EXT2: variants seen among roughly 807,000 people sequenced by gnomAD.
The protein encoded by EXT2 is exostosin-2.
A neutral mutation model predicts 81.6 loss-of-function variants in EXT2; 53 were observed. The ratio of observed to expected loss-of-function variants is 0.65; its 90% CI spans 0.52 to 0.82. The LOEUF (loss-of-function observed/expected upper bound fraction) is 0.82, where lower values mean the gene tolerates loss of function less well. Among genes scored for constraint, EXT2 ranks in the 40% least tolerant of loss-of-function variants. The probability of loss-of-function intolerance (pLI) is 0.00; values close to 1 mark genes in which losing one functional copy is unlikely to be tolerated. For synonymous variants in EXT2, 320 were observed against 340.0 expected (o/e 0.94, Z 0.65); for missense variants, 774 against 910.2 (o/e 0.85, Z 1.93).
chr11:44,222,466 C>A (rs1367097199), intron 10 of EXT2, among the ~76,000 whole-genome samples: 3 of 152,116 alleles, frequency 2.0e-5, no homozygotes, highest in Non-Finnish European at 4.4e-5. Flanking sequence ...TACTTCCTGT[C>A]AGTAGAATTG....
intron 7 of EXT2, among the ~76,000 whole-genome samples, chr11:44,168,950 G>A (rs1247483138): frequency 2.6e-5 from 4 of 152,106 alleles, no homozygotes; most frequent in South Asian, 4.2e-4. Flanking sequence ...CCCCAGACGC[G>A]GTGGCTCTTG....
At chr11:44,206,736 T>C in intron 9 of EXT2, 57 bp from the exon 10 acceptor site, 1 of 1,585,064 alleles carries the variant, frequency 6.3e-7, no homozygotes, top group Non-Finnish European at 8.7e-7. Flanking sequence ...ATGCTTTTAC[T>C]ACTTTATCTC....
At chr11:44,181,481 G>A (rs187763210) in intron 8 of EXT2, among the ~76,000 whole-genome samples, 2 of 152,142 alleles carry the variant, frequency 1.3e-5, no homozygotes, top group East Asian at 3.9e-4. Context: ...TTCTTTATGG[G>A]ACGTCTGTTA....
chr11:44,193,302 A>T (rs964390625), intron 8 of EXT2, among the ~76,000 whole-genome samples: 3 of 152,218 alleles, frequency 2.0e-5, no homozygotes, highest in Non-Finnish European at 4.4e-5. Flanking sequence ...GCTACCTCCT[A>T]TCCACTTTTG....
In EXT2 at chr11:44,245,856, G is replaced by A. The variant is rs764248518; in HGVS notation, c.*1569G>A. Among the ~76,000 whole-genome samples, 35 of 152,224 alleles carry A rather than the reference G, an allele frequency of 2.3e-4. No individual in the cohort carries two copies. Among genetic ancestry groups the A allele is most frequent in the Non-Finnish European group, 1.2e-4 (8 of 68,040 alleles). ...AGTGATCGAATCATGGACTATTATTGCCAAAGGGGGCAAGCGATCATCTCA... is the reference window on the plus strand; with the variant it reads ...AGTGATCGAATCATGGACTATTATTACCAAAGGGGGCAAGCGATCATCTCA... On this transcript the variant is annotated 3_prime_UTR_variant, in exon 14 of 14. Coordinates refer to ENST00000533608, the MANE Select transcript of EXT2 (RefSeq NM_207122.2).
At chr11:44,203,480 C>A (rs1370725905) in intron 9 of EXT2, among the ~76,000 whole-genome samples, 1 of 152,194 alleles carries the variant, frequency 6.6e-6, no homozygotes, top group Non-Finnish European at 1.5e-5. Context: ...CAACAGAAAT[C>A]TGCCCCAGGA....
chr11:44,155,851 TTTC>T lies in EXT2; in HGVS notation c.1174-15757_1174-15755del, dbSNP rs1954849496. On this transcript the variant is annotated intron_variant, in intron 7 of 13. Transcript: ENST00000533608. The stretch of plus-strand genomic sequence containing the variant: ...CGGTGGGTTTTGTACCTTCAGACGA[TTTC>T]TTATTGCTTGTTAACATCCTTTTCT... 2.0e-5 allele frequency among the ~76,000 whole-genome samples: 3 copies of T among 152,204 alleles called. No individual in the cohort carries two copies. In the South Asian group the frequency reaches 6.2e-4, roughly 32 times the overall value.
At chr11:44,119,406 T>A (rs1294644928) in intron 4 of EXT2, among the ~76,000 whole-genome samples, 2 of 151,988 alleles carry the variant, frequency 1.3e-5, no homozygotes, top group East Asian at 3.9e-4. Context: ...TCAAGTGCCC[T>A]CTTCCAGTGC....
At position 44,109,268 on chromosome 11, in the gene EXT2, A is replaced by C. The variant is rs760582583; in HGVS notation, c.611A>C (p.Asp204Ala). The change falls in exon 3 of 14, where the codon GAT (aspartate) becomes GCT (alanine). Residue 204 changes from aspartate to alanine, a missense_variant. By Grantham distance (126) the Asp-to-Ala change is moderately radical. This residue lies in a region of EXT2 where 626 missense variants were observed against 670.5 expected (regional missense o/e 0.93). Transcript: ENST00000533608. ...GGPPDYNTALDVPRDRALLAG... is the reference protein window; with the variant it reads ...GGPPDYNTALAVPRDRALLAG... Reference sequence around the variant, plus strand: ...CCCCCAGATTATAACACAGCCCTGGATGTCCCCAGAGACAGGTAGGAGGCA... The same window carrying C: ...CCCCCAGATTATAACACAGCCCTGGCTGTCCCCAGAGACAGGTAGGAGGCA... 4 of 1,614,096 alleles carry C rather than the reference A, an allele frequency of 2.5e-6. No individual in the cohort carries two copies. In the South Asian group the frequency reaches 3.3e-5, roughly 13 times the overall value.
intron 13 of EXT2, among the ~76,000 whole-genome samples, chr11:44,240,569 G>T (rs1331085834): frequency 6.6e-6 from 1 of 152,218 alleles, no homozygotes; most frequent in East Asian, 1.9e-4. Flanking sequence ...ATCCCTATCT[G>T]TAAAAAAATA....
chr11:44,197,725 G>C, intron 8 of EXT2, 104 bp from the exon 9 acceptor site: 1 of 1,188,942 alleles, frequency 8.4e-7, no homozygotes, highest in Non-Finnish European at 1.2e-6. Flanking sequence ...GATCTGTCCT[G>C]GTAAAAGCCA....
intron 4 of EXT2, among the ~76,000 whole-genome samples, chr11:44,123,801 A>G (rs1954353341): frequency 6.6e-6 from 1 of 152,164 alleles, no homozygotes; most frequent in East Asian, 1.9e-4. Context: ...CTTGTCTTCC[A>G]GGAGGGAATT....
rs1468077276 is a variant in EXT2 at position 44,247,695 on chromosome 11, A to G, written c.*3408A>G. Among the ~76,000 whole-genome samples the G allele has an allele frequency of 6.6e-6, 1 of 152,156 alleles. No homozygotes were observed. Among genetic ancestry groups the G allele is most frequent in the African/African-American group, 2.4e-5 (1 of 41,426 alleles). On this transcript the variant is annotated 3_prime_UTR_variant, in exon 14 of 14. Transcript: ENST00000533608. Reference sequence around the variant, plus strand: ...CTGCTGCCTTTGGAAAATAGTGACCATCATGCTGGTCTGTGCTGACGCAGA... The same window carrying G: ...CTGCTGCCTTTGGAAAATAGTGACCGTCATGCTGGTCTGTGCTGACGCAGA...
At position 44,236,277 on chromosome 11, in the gene EXT2, T is replaced by G; in HGVS notation, c.1936-16T>G. 6.2e-7 allele frequency: 1 copy of G among 1,612,494 alleles called. No homozygotes were observed. Among genetic ancestry groups the G allele is most frequent in the South Asian group, 1.1e-5 (1 of 91,066 alleles). On this transcript the variant is annotated splice_polypyrimidine_tract_variant and intron_variant, in intron 12 of 13. Coordinates refer to ENST00000533608, the MANE Select transcript of EXT2 (RefSeq NM_207122.2). ...TGACACTGACAGCCAGGTATGTTTTTGTCCTCCTCTGGCAGGTAACCCCAC... is the reference window on the plus strand; with the variant it reads ...TGACACTGACAGCCAGGTATGTTTTGGTCCTCCTCTGGCAGGTAACCCCAC...
chr11:44,241,529 G>T (rs768905894), intron 13 of EXT2, among the ~76,000 whole-genome samples: 5 of 152,212 alleles, frequency 3.3e-5, no homozygotes, highest in Non-Finnish European at 5.9e-5. Flanking sequence ...ATACATGAAA[G>T]CCTGTAGCAC....
rs1406801697 is a variant in EXT2 at position 44,114,236 on chromosome 11, C to T, written c.678C>T (p.Tyr226=). 1.2e-6 allele frequency: 2 copies of T among 1,613,994 alleles called. No homozygotes were observed. Among genetic ancestry groups the T allele is most frequent in the Non-Finnish European group, 1.7e-6 (2 of 1,180,002 alleles). The change falls in exon 4 of 14, where the codon TAC becomes TAT. Residue 226 remains tyrosine (Y), a synonymous_variant. Transcript: ENST00000533608. The part of the protein sequence containing the change: ...GFSTWTYRQG[Y]DVSIPVYSPL... Reference sequence around the variant, plus strand: ...CTACGTGGACTTACCGGCAAGGCTACGATGTCAGCATTCCTGTCTATAGTC... The same window carrying T: ...CTACGTGGACTTACCGGCAAGGCTATGATGTCAGCATTCCTGTCTATAGTC...
At chr11:44,109,121 G>T in intron 2 of EXT2, 73 bp from the exon 3 acceptor site, 1 of 1,528,998 alleles carries the variant, frequency 6.5e-7, no homozygotes, top group South Asian at 1.1e-5. Context: ...CTTGATAGTT[G>T]TTGTCTAGTA....
At chr11:44,189,735 A>C (rs946012060) in intron 8 of EXT2, among the ~76,000 whole-genome samples, 5 of 152,252 alleles carry the variant, frequency 3.3e-5, no homozygotes, top group African/African-American at 4.8e-5. Context: ...GAGCAGGAAC[A>C]CAAATCCAAA....
chr11:44,144,643 C>G (rs1954691513), intron 7 of EXT2, among the ~76,000 whole-genome samples: 1 of 152,132 alleles, frequency 6.6e-6, no homozygotes, highest in Non-Finnish European at 1.5e-5. Flanking sequence ...AGGTGATACC[C>G]CTGAGACTTG....
Sources: allele counts gnomAD v4.1 joint callset (sites outside exome capture counted in the v4.1 genomes callset), GRCh38; gene constraint gnomAD v4.1.1; regional missense constraint gnomAD v4.1.1; transcripts MANE v1.5; gene names NCBI Gene and HGNC (gene_info 2026-07-23, HGNC 2026-07-21).